Variants in TBC1D22A observed in about 807,000 individuals in gnomAD.
The protein encoded by TBC1D22A is TBC1 domain family member 22A, also known as putative GTPase activator.
TBC1D22A carries 38 observed loss-of-function variants against 60.2 expected under a neutral mutation model. The observed-to-expected ratio is 0.63, with a 90% CI of 0.49 to 0.83. TBC1D22A has a LOEUF of 0.83. Ranked by LOEUF, TBC1D22A falls within the 40% of genes least tolerant of loss-of-function variation. The pLI is 0.00. For synonymous variants in TBC1D22A, 302 were observed against 281.7 expected, an observed-to-expected ratio of 1.07 and a Z score of -0.72; for missense variants, 628 against 701.0, an observed-to-expected ratio of 0.90 and a Z score of 1.18.
intron 4 of TBC1D22A, among the ~76,000 whole-genome samples, chr22:46,835,906 AT>A (rs1323520086): frequency 2.6e-5 from 4 of 152,320 alleles, no homozygotes; most frequent in Admixed American, 2.6e-4. Flanking sequence ...TAAACTTTGT[AT>A]GTCAGGAGTG....
chr22:46,919,559 G>T (rs1455954420), intron 8 of TBC1D22A, among the ~76,000 whole-genome samples: 1 of 152,150 alleles, frequency 6.6e-6, no homozygotes, highest in Non-Finnish European at 1.5e-5. Flanking sequence ...ATAACTGGGA[G>T]AATTACTGGG....
intron 12 of TBC1D22A, among the ~76,000 whole-genome samples, chr22:47,163,405 T>C (rs769128882): frequency 6.6e-5 from 10 of 152,256 alleles, no homozygotes; most frequent in Non-Finnish European, 1.5e-4. Context: ...CTTAGGAGGC[T>C]GAAACCAAAG....
intron 2 of TBC1D22A, chr22:46,792,926 G>A: frequency 7.4e-7 from 1 of 1,352,290 alleles, no homozygotes; most frequent in Non-Finnish European, 9.7e-7. Flanking sequence ...ACCAGCTGCT[G>A]GAGCCCGGCC....
chr22:46,815,269 G>A (rs924249805), intron 4 of TBC1D22A, among the ~76,000 whole-genome samples: 2 of 152,142 alleles, frequency 1.3e-5, no homozygotes, highest in Non-Finnish European at 2.9e-5. Flanking sequence ...GCTGTGCGGC[G>A]GTCGCTTGTT....
At position 46,843,876 on chromosome 22, in the gene TBC1D22A, T is replaced by C. The variant is rs569630023; in HGVS notation, c.638-34777T>C. On this transcript the variant is annotated intron_variant, in intron 4 of 12. Transcript: ENST00000337137. ...AGTAGCACCCGGCAGCACCCTGTGT[T>C]CTCACATCATCGGGAAGGACAGCTG... Among the ~76,000 whole-genome samples, 63 of 152,096 alleles carry C rather than the reference T, an allele frequency of 4.1e-4. 1 individual carries two copies. Among genetic ancestry groups the C allele is most frequent in the African/African-American group, 1.5e-3 (61 of 41,458 alleles).
chr22:47,090,069 G>T (rs932565235), intron 11 of TBC1D22A, among the ~76,000 whole-genome samples: 1 of 152,140 alleles, frequency 6.6e-6, no homozygotes, highest in South Asian at 2.1e-4. Context: ...CAGCGGTCCC[G>T]TGCTAGGTCT....
intron 10 of TBC1D22A, among the ~76,000 whole-genome samples, chr22:47,011,215 G>A (rs2061742812): frequency 1.3e-5 from 2 of 152,158 alleles, no homozygotes; most frequent in Admixed American, 1.3e-4. Context: ...ACCTACTTGG[G>A]CAGCCTTGGG....
At chr22:46,913,524 A>G (rs1439099165) in intron 8 of TBC1D22A, 1 of 1,269,388 alleles carries the variant, frequency 7.9e-7, no homozygotes, top group Non-Finnish European at 1.0e-6. Context: ...TTGCTAAGCA[A>G]CTAATGAGAG....
intron 12 of TBC1D22A, among the ~76,000 whole-genome samples, chr22:47,121,450 A>G (rs1387734487): frequency 6.6e-6 from 1 of 152,232 alleles, no homozygotes; most frequent in African/African-American, 2.4e-5. Flanking sequence ...ATGGCTGGTT[A>G]TAATGTTTCA....
chr22:47,054,197 T>C (rs16996253), intron 11 of TBC1D22A, among the ~76,000 whole-genome samples: 2,944 of 152,090 alleles, frequency 0.019, 98 homozygotes, highest in African/African-American at 0.064. Context: ...CACAATGCAG[T>C]GAAAGAGGGA....
At chr22:46,869,049 G>A (rs551272378) in intron 4 of TBC1D22A, among the ~76,000 whole-genome samples, 34 of 152,258 alleles carry the variant, frequency 2.2e-4, no homozygotes, top group African/African-American at 7.7e-4. Flanking sequence ...TATCTGCGCC[G>A]CTCCGCTGCC....
chr22:47,072,682 G>A (rs78191631), intron 11 of TBC1D22A, among the ~76,000 whole-genome samples: 3,155 of 152,358 alleles, frequency 0.021, 112 homozygotes, highest in African/African-American at 0.072. Flanking sequence ...GCTAAGAGCT[G>A]GATAGGTATG....
chr22:46,818,506 A>T (rs2085694108), intron 4 of TBC1D22A, among the ~76,000 whole-genome samples: 1 of 152,166 alleles, frequency 6.6e-6, no homozygotes, highest in South Asian at 2.1e-4. Flanking sequence ...TGAAGAGGAG[A>T]TCCTTTCCTC....
At chr22:47,013,806 G>A (rs1434036491) in intron 10 of TBC1D22A, among the ~76,000 whole-genome samples, 1 of 152,216 alleles carries the variant, frequency 6.6e-6, no homozygotes, top group African/African-American at 2.4e-5. Context: ...ACCCTGGACT[G>A]TGAGTACCTT....
At chr22:47,109,210 C>T (rs559017472) in intron 11 of TBC1D22A, among the ~76,000 whole-genome samples, 1 of 152,144 alleles carries the variant, frequency 6.6e-6, no homozygotes, top group Non-Finnish European at 1.5e-5. Context: ...TTTGTATGCT[C>T]CTGATAACAT....
rs8137983 is a variant in TBC1D22A at position 46,896,090 on chromosome 22, C to T, written c.900+1244C>T. ...TGGTGGATATTCCTGTTGCAGTCCT[C>T]ACGTTTGTTTCTCTGGTTACTCACG... On this transcript the variant is annotated intron_variant, in intron 7 of 12. Transcript: ENST00000337137. Among the ~76,000 whole-genome samples the T allele has an allele frequency of 4.4e-3, 675 of 152,302 alleles. 8 individuals are homozygous for T. The highest frequency in any genetic ancestry group is 0.016 in the African/African-American group (646 of 41,566).
chr22:47,111,793 C>T (rs1266917841), intron 12 of TBC1D22A, among the ~76,000 whole-genome samples, 190 bp downstream of exon 12: 1 of 152,200 alleles, frequency 6.6e-6, no homozygotes, highest in Non-Finnish European at 1.5e-5. Flanking sequence ...CACGTGGTCA[C>T]AGCAGTGGAA....
Position 46,793,764 on chromosome 22 carries a change from C to T in TBC1D22A, c.383C>T (p.Ala128Val). ...CTTCAGCAGAAGCCCAGGCCCGAGG[C>T]AGAGCCGCCCTCACCCCCCAGCGGC... The part of the protein sequence containing the change: ...PGLQQKPRPE[A>V]EPPSPPSGDL... Residue 128 changes from alanine to valine, a missense_variant, in exon 3 of 13, where the codon GCA (alanine) becomes GTA (valine). Physicochemically the swap from Ala to Val is moderately conservative, Grantham distance 64. Transcript: ENST00000337137. 6.2e-7 allele frequency: 1 copy of T among 1,604,240 alleles called. No homozygotes were observed. Among genetic ancestry groups the T allele is most frequent in the Non-Finnish European group, 8.5e-7 (1 of 1,176,390 alleles).
At chr22:47,090,456 A>T (rs569451144) in intron 11 of TBC1D22A, among the ~76,000 whole-genome samples, 1 of 152,336 alleles carries the variant, frequency 6.6e-6, no homozygotes, top group East Asian at 1.9e-4. Context: ...AACTTCGGGA[A>T]ATCCCAGTCA....
Sources: gnomAD v4.1 joint callset for allele counts (sites outside exome capture counted in the v4.1 genomes callset) on GRCh38, gnomAD v4.1.1 for gene constraint, MANE v1.5 for transcripts, NCBI Gene and HGNC (gene_info 2026-07-23, HGNC 2026-07-21) for gene names.